MTARC2: variants seen among roughly 807,000 people sequenced by gnomAD.
MTARC2 encodes mitochondrial amidoxime reducing component 2, also known as MOCO sulphurase C-terminal domain containing 2.
MTARC2 carries 27 observed loss-of-function variants against 35.6 expected under a neutral mutation model. The ratio of observed to expected loss-of-function variants is 0.76; its 90% CI spans 0.56 to 1.04. The LOEUF (loss-of-function observed/expected upper bound fraction) is 1.04. MTARC2 is among the 50% of genes least tolerant of loss of function. MTARC2 has a pLI of 0.00. For missense variants in MTARC2, 412 were observed against 432.5 expected (o/e 0.95, Z 0.42); for synonymous variants, 158 against 167.1 (o/e 0.95, Z 0.42).
chr1:220,782,983 T>A (rs1482681115), intron 7 of MTARC2, among the ~76,000 whole-genome samples: 1 of 152,234 alleles, frequency 6.6e-6, no homozygotes, highest in Non-Finnish European at 1.5e-5. Flanking sequence ...CATCATTCCA[T>A]CATGATCCAG....
chr1:220,751,739 T>C (rs1671131494), intron 1 of MTARC2, among the ~76,000 whole-genome samples: 1 of 152,206 alleles, frequency 6.6e-6, no homozygotes, highest in Non-Finnish European at 1.5e-5. Flanking sequence ...TCCAGGCTTC[T>C]ACACTGATCC....
chr1:220,750,027 G>C (rs1234595049), intron 1 of MTARC2, among the ~76,000 whole-genome samples: 1 of 152,080 alleles, frequency 6.6e-6, no homozygotes, highest in Non-Finnish European at 1.5e-5. Flanking sequence ...TCTTATCCTG[G>C]AGAGCTTTTT....
intron 4 of MTARC2, among the ~76,000 whole-genome samples, chr1:220,767,158 C>T (rs769974708): frequency 7.2e-5 from 11 of 152,012 alleles, no homozygotes; most frequent in Non-Finnish European, 1.6e-4. Context: ...AAAAAAAATC[C>T]TTCTTATTAA....
chr1:220,754,003 T>G (rs6541158), intron 1 of MTARC2, among the ~76,000 whole-genome samples: 2 of 152,140 alleles, frequency 1.3e-5, no homozygotes, highest in African/African-American at 4.8e-5. Context: ...TGAGCTAGAC[T>G]GTACCACTGC....
intron 4 of MTARC2, among the ~76,000 whole-genome samples, chr1:220,771,902 C>A (rs1671753453): frequency 6.6e-6 from 1 of 151,860 alleles, no homozygotes; most frequent in Non-Finnish European, 1.5e-5. Flanking sequence ...CACATGTATC[C>A]CAGAACTTAA....
At chr1:220,770,032 G>A (rs555767231) in intron 4 of MTARC2, among the ~76,000 whole-genome samples, 2 of 151,420 alleles carry the variant, frequency 1.3e-5, no homozygotes, top group Non-Finnish European at 2.9e-5. Flanking sequence ...GCGTGAACCC[G>A]GGAGGCGGAG....
Position 220,758,887 on chromosome 1 carries a change from G to A in MTARC2, c.447-2771G>A, listed in dbSNP as rs558295739. ...TGTGTGTGTATTAAATAAAGCACTT[G>A]CAAGAGGACCTGGTATACAGTAAGC... On this transcript the variant is annotated intron_variant, in intron 2 of 7. Coordinates refer to ENST00000366913, the MANE Select transcript of MTARC2 (RefSeq NM_017898.5). Among the ~76,000 whole-genome samples, 7 of 152,184 alleles carry A rather than the reference G, an allele frequency of 4.6e-5. 1 individual carries two copies. In the South Asian group the frequency reaches 1.5e-3, roughly 32 times the overall value.
Position 220,774,499 on chromosome 1 carries a change from C to T in MTARC2, c.751-5519C>T, listed in dbSNP as rs995935127. 7.2e-5 allele frequency among the ~76,000 whole-genome samples: 11 copies of T among 152,102 alleles called. 1 individual carries two copies. The highest frequency in any genetic ancestry group is 1.3e-4 in the Non-Finnish European group (9 of 68,024). ...TTTAAAGTTGTTTCTAACAATTGTG[C>T]GTACAACACAATATTATAAACACAT... On this transcript the variant is annotated intron_variant, in intron 4 of 7. Transcript: ENST00000366913.
Position 220,761,831 on chromosome 1 carries a change from A to C in MTARC2, c.609+11A>C. The C allele has an allele frequency of 6.3e-7, 1 of 1,598,498 alleles. No individual in the cohort carries two copies. Among genetic ancestry groups the C allele is most frequent in the Non-Finnish European group, 8.5e-7 (1 of 1,173,862 alleles). On this transcript the variant is annotated intron_variant, in intron 3 of 7. Transcript: ENST00000366913. ...GATCAGAATTTCCAGGTGAGCTTAC[A>C]GAGAGTTTACCTTCACTGCTACTAG...
chr1:220,773,164 C>T (rs1364200716), intron 4 of MTARC2, among the ~76,000 whole-genome samples: 1 of 152,166 alleles, frequency 6.6e-6, no homozygotes, highest in Non-Finnish European at 1.5e-5. Context: ...CCACCCAGCC[C>T]TGATCTCAGG....
intron 2 of MTARC2, among the ~76,000 whole-genome samples, chr1:220,759,355 A>G (rs2102549024): frequency 6.6e-6 from 1 of 152,282 alleles, no homozygotes; most frequent in South Asian, 2.1e-4. Flanking sequence ...TGCTGATGAG[A>G]CATTTTGTGT....
chr1:220,756,078 G>A (rs1390573743), intron 2 of MTARC2, among the ~76,000 whole-genome samples: 1 of 152,200 alleles, frequency 6.6e-6, no homozygotes, highest in African/African-American at 2.4e-5. Context: ...TTGGGTGTAA[G>A]GGATTTCCAC....
intron 4 of MTARC2, among the ~76,000 whole-genome samples, chr1:220,764,168 G>A (rs761167338): frequency 2.0e-5 from 3 of 151,296 alleles, no homozygotes; most frequent in South Asian, 2.1e-4. Flanking sequence ...ATCTCGGCTC[G>A]CTGCAAACTC....
At chr1:220,780,145 A>G in intron 5 of MTARC2, 23 bp from the exon 6 acceptor site, 1 of 1,610,770 alleles carries the variant, frequency 6.2e-7, no homozygotes, top group Non-Finnish European at 8.5e-7. Flanking sequence ...AGCATCACCT[A>G]ACCCTTGGTT....
At chr1:220,779,226 T>C (rs1488133254) in intron 4 of MTARC2, among the ~76,000 whole-genome samples, 1 of 152,104 alleles carries the variant, frequency 6.6e-6, no homozygotes, top group Admixed American at 6.5e-5. Flanking sequence ...TATAATACAA[T>C]CTCTATATTC....
At position 220,784,164 on chromosome 1, in the gene MTARC2, T is replaced by A; in HGVS notation, c.*277T>A. The A allele has an allele frequency of 2.1e-6, 1 of 477,092 alleles. No individual in the cohort carries two copies. The highest frequency in any genetic ancestry group is 4.2e-5 in the South Asian group (1 of 23,974). The allele number at this position is 477,092 out of a possible 1,614,324, so 29.6% of individuals were successfully genotyped here. A position where few individuals can be genotyped will look rare whatever the true frequency, so the allele number is the denominator to read the frequency against. On this transcript the variant is annotated 3_prime_UTR_variant, in exon 8 of 8. Coordinates refer to ENST00000366913, the MANE Select transcript of MTARC2 (RefSeq NM_017898.5). Reference sequence around the variant, plus strand: ...TAATTAAGATCATCAAAAATGCTATTTTGAATGTTATCATGGCTATTACAC... The same window carrying A: ...TAATTAAGATCATCAAAAATGCTATATTGAATGTTATCATGGCTATTACAC...
At chr1:220,757,157 C>T (rs1187339996) in intron 2 of MTARC2, among the ~76,000 whole-genome samples, 1 of 152,266 alleles carries the variant, frequency 6.6e-6, no homozygotes, top group Non-Finnish European at 1.5e-5. Flanking sequence ...CTGCCTTGGC[C>T]TCCCAGACTT....
At chr1:220,758,667 C>T (rs1339198574) in intron 2 of MTARC2, among the ~76,000 whole-genome samples, 2 of 152,168 alleles carry the variant, frequency 1.3e-5, no homozygotes, top group South Asian at 2.1e-4. Flanking sequence ...TATCCACCTG[C>T]CTTGGCCTCC....
chr1:220,762,760 C>T (rs1671472910), intron 3 of MTARC2, 150 bp from the exon 4 acceptor site: 1 of 830,464 alleles, frequency 1.2e-6, no homozygotes, highest in East Asian at 2.6e-5. Flanking sequence ...CTGGCCACTG[C>T]AAGCCCAAAC....
Sources: gnomAD v4.1 joint callset for allele counts (sites outside exome capture counted in the v4.1 genomes callset) on GRCh38, gnomAD v4.1.1 for gene constraint, MANE v1.5 for transcripts, NCBI Gene and HGNC (gene_info 2026-07-23, HGNC 2026-07-21) for gene names.